The following ITPR2 variants were observed in gnomAD, a reference collection of about 807,000 sequenced individuals.
The protein encoded by ITPR2 is inositol 1,4,5-trisphosphate receptor type 2.
A neutral mutation model predicts 317.1 loss-of-function variants in ITPR2; 207 were observed. The ratio of observed to expected loss-of-function variants is 0.65; its 90% CI spans 0.58 to 0.73. The LOEUF (loss-of-function observed/expected upper bound fraction) is 0.73. ITPR2 is among the 30% of genes least tolerant of loss of function. ITPR2 has a pLI of 0.00. For missense variants in ITPR2, 2,613 were observed against 3,284.0 expected, an observed-to-expected ratio of 0.80 and a Z score of 4.99; for synonymous variants, 1,156 against 1,149.1, an observed-to-expected ratio of 1.01 and a Z score of -0.12.
intron 43 of ITPR2, among the ~76,000 whole-genome samples, chr12:26,480,557 C>T (rs1385086151): frequency 6.6e-6 from 1 of 152,036 alleles, no homozygotes; most frequent in Non-Finnish European, 1.5e-5. Context: ...AAATTAAAAA[C>T]AAAGCCGGGC....
intron 50 of ITPR2, among the ~76,000 whole-genome samples, chr12:26,416,507 C>T (rs1018109650): frequency 6.6e-6 from 1 of 151,916 alleles, no homozygotes; most frequent in Non-Finnish European, 1.5e-5. Context: ...TGTCATATAC[C>T]CTTTCAGGAC....
intron 1 of ITPR2, among the ~76,000 whole-genome samples, chr12:26,810,086 T>C (rs1200238857): frequency 2.0e-5 from 3 of 152,200 alleles, no homozygotes; most frequent in South Asian, 2.1e-4. Flanking sequence ...TCCTAAATCA[T>C]AAAAGAATAA....
At chr12:26,825,263 A>G (rs1160743714) in intron 1 of ITPR2, among the ~76,000 whole-genome samples, 1 of 152,190 alleles carries the variant, frequency 6.6e-6, no homozygotes, top group Non-Finnish European at 1.5e-5. Flanking sequence ...AAATAAGTGA[A>G]TGAACAAATG....
Position 26,762,426 on chromosome 12 carries a change from A to T in ITPR2, c.163+27731T>A, listed in dbSNP as rs550107259. ...ACCTTGCAGGCCAGGAGACAGTGGG[A>T]TGACATATTCAAAGTGGTGAAAGAA... On this transcript the variant is annotated intron_variant, in intron 2 of 56. Coordinates refer to ENST00000381340, the MANE Select transcript of ITPR2 (RefSeq NM_002223.4). Among the ~76,000 whole-genome samples, 8 of 152,322 alleles carry T rather than the reference A, an allele frequency of 5.3e-5. No homozygotes were observed. The South Asian group carries it at 1.7e-3, about 32-fold the overall frequency.
chr12:26,760,332 A>G (rs1161667506), intron 2 of ITPR2, among the ~76,000 whole-genome samples: 2 of 152,228 alleles, frequency 1.3e-5, no homozygotes, highest in Admixed American at 6.5e-5. Context: ...TAAATGTGCT[A>G]GTTACTTTAC....
intron 37 of ITPR2, among the ~76,000 whole-genome samples, chr12:26,505,144 T>C (rs138154042): frequency 4.8e-4 from 73 of 152,334 alleles, no homozygotes; most frequent in South Asian, 4.1e-3. Context: ...TTGTATATAT[T>C]TCTTCATAAA....
intron 2 of ITPR2, among the ~76,000 whole-genome samples, chr12:26,773,247 C>T (rs10450687): frequency 0.015 from 2,357 of 152,164 alleles, 65 homozygotes; most frequent in African/African-American, 0.054. Context: ...GGAGAAAGGC[C>T]GTTATAAGCA....
At position 26,564,537 on chromosome 12, in the gene ITPR2, T is replaced by C. The variant is rs144662230; in HGVS notation, c.4631-2585A>G. 1.3e-3 allele frequency among the ~76,000 whole-genome samples: 200 copies of C among 152,236 alleles called. 1 individual carries two copies. The highest frequency in any genetic ancestry group is 4.7e-3 in the African/African-American group (196 of 41,522). Reference sequence around the variant, plus strand: ...AATGTGACCTTATTTGGAAATACGGTCTTTGCAGATGTAATCACGTTAAGT... The same window carrying C: ...AATGTGACCTTATTTGGAAATACGGCCTTTGCAGATGTAATCACGTTAAGT... On this transcript the variant is annotated intron_variant, in intron 34 of 56. Coordinates refer to ENST00000381340, the MANE Select transcript of ITPR2 (RefSeq NM_002223.4).
At chr12:26,688,904 G>T (rs1948181236) in intron 10 of ITPR2, among the ~76,000 whole-genome samples, 1 of 152,138 alleles carries the variant, frequency 6.6e-6, no homozygotes, top group South Asian at 2.1e-4. Flanking sequence ...CATCCCTCAA[G>T]AAGAAAGTCT....
intron 55 of ITPR2, among the ~76,000 whole-genome samples, chr12:26,355,314 T>C (rs1433888848): frequency 6.6e-6 from 1 of 152,222 alleles, no homozygotes; most frequent in Non-Finnish European, 1.5e-5. Context: ...CTAATAATTA[T>C]GTAGAGACAA....
At chr12:26,647,281 C>A (rs1174715173) in intron 21 of ITPR2, among the ~76,000 whole-genome samples, 2 of 152,236 alleles carry the variant, frequency 1.3e-5, no homozygotes, top group Non-Finnish European at 2.9e-5. Context: ...TGCATATTCA[C>A]ATGGAGATGA....
chr12:26,538,234 A>T (rs1297165562), intron 37 of ITPR2, among the ~76,000 whole-genome samples: 3 of 152,160 alleles, frequency 2.0e-5, no homozygotes, highest in Non-Finnish European at 4.4e-5. Context: ...ATGTGTTATG[A>T]TTGTTAAACT....
At chr12:26,782,430 A>G (rs1950113949) in intron 2 of ITPR2, among the ~76,000 whole-genome samples, 1 of 152,196 alleles carries the variant, frequency 6.6e-6, no homozygotes, top group Non-Finnish European at 1.5e-5. Flanking sequence ...GAAAAGATCC[A>G]CAGGAATATG....
At chr12:26,430,704 T>G (rs538510043) in intron 48 of ITPR2, among the ~76,000 whole-genome samples, 212 of 152,354 alleles carry the variant, frequency 1.4e-3, no homozygotes, top group African/African-American at 5.0e-3. Flanking sequence ...AGTTTTATAA[T>G]TTACCCTATA....
chr12:26,720,623 G>T (rs1381375645), intron 5 of ITPR2, among the ~76,000 whole-genome samples: 1 of 152,176 alleles, frequency 6.6e-6, no homozygotes, highest in Non-Finnish European at 1.5e-5. Flanking sequence ...ACGGTGAGCT[G>T]TTTCAGCAAA....
chr12:26,750,509 T>C (rs1949395674), intron 2 of ITPR2, among the ~76,000 whole-genome samples: 1 of 152,212 alleles, frequency 6.6e-6, no homozygotes, highest in African/African-American at 2.4e-5. Flanking sequence ...TCGTCTATAC[T>C]TGATGGTGAC....
chr12:26,528,265 C>A (rs892263411), intron 37 of ITPR2, among the ~76,000 whole-genome samples: 6 of 152,190 alleles, frequency 3.9e-5, no homozygotes, highest in Non-Finnish European at 8.8e-5. Flanking sequence ...GATGTTACTT[C>A]GGGGCCTCTG....
intron 29 of ITPR2, among the ~76,000 whole-genome samples, chr12:26,599,774 A>G (rs993206442): frequency 1.3e-5 from 2 of 152,082 alleles, no homozygotes; most frequent in Non-Finnish European, 2.9e-5. Context: ...TATAAAATAC[A>G]TTGTCATTTG....
chr12:26,592,788 T>G (rs1170344359), intron 32 of ITPR2, among the ~76,000 whole-genome samples: 1 of 152,236 alleles, frequency 6.6e-6, no homozygotes, highest in East Asian at 1.9e-4. Context: ...ACATCTGGAT[T>G]TGGTTTATCT....
Sources: gnomAD v4.1 joint callset for allele counts (sites outside exome capture counted in the v4.1 genomes callset) on GRCh38, gnomAD v4.1.1 for gene constraint, MANE v1.5 for transcripts, NCBI Gene and HGNC (gene_info 2026-07-23, HGNC 2026-07-21) for gene names.